TRHDE: variants seen among roughly 807,000 people sequenced by gnomAD.
TRHDE encodes the protein thyrotropin releasing hormone degrading enzyme.
A neutral mutation model predicts 125.7 loss-of-function variants in TRHDE; 72 were observed. The ratio of observed to expected loss-of-function variants is 0.57; its 90% CI spans 0.47 to 0.70. TRHDE has a LOEUF of 0.70. Ranked by LOEUF, TRHDE falls within the 30% of genes least tolerant of loss-of-function variation. The pLI, the probability that TRHDE is intolerant of heterozygous loss-of-function variation, is 0.00. For synonymous variants in TRHDE, 509 were observed against 509.1 expected (o/e 1.00, Z 0.00); for missense variants, 1,110 against 1,327.1 (o/e 0.84, Z 2.54).
intron 12 of TRHDE, among the ~76,000 whole-genome samples, chr12:72,586,151 GA>G (rs34786021): frequency 0.27 from 40,317 of 151,946 alleles, 8,131 homozygotes; most frequent in African/African-American, 0.54. Flanking sequence ...ATCATGATAA[GA>G]ATAAGATAAT....
intron 6 of TRHDE, among the ~76,000 whole-genome samples, chr12:72,512,434 AATAT>A (rs538381291): frequency 1.4e-3 from 149 of 106,850 alleles, no homozygotes; most frequent in African/African-American, 7.3e-3. Context: ...TATATTATAT[AATAT>A]GTTATAATTA....
chr12:72,594,502 G>T (rs1231613132), intron 12 of TRHDE, among the ~76,000 whole-genome samples: 7 of 136,008 alleles, frequency 5.1e-5, no homozygotes, highest in Admixed American at 1.5e-4. Context: ...ACAGATGTGA[G>T]TTTTTTTTTT....
intron 15 of TRHDE, among the ~76,000 whole-genome samples, chr12:72,636,218 G>T (rs745622077): frequency 2.0e-5 from 3 of 148,794 alleles, no homozygotes; most frequent in Non-Finnish European, 4.5e-5. Context: ...AGGTCCTTCA[G>T]ATCCCTTGTA....
chr12:72,239,682 C>T (rs1354136491), intron 2 of TRHDE, among the ~76,000 whole-genome samples: 2 of 152,090 alleles, frequency 1.3e-5, no homozygotes, highest in African/African-American at 4.8e-5. Flanking sequence ...TAGAGATCAT[C>T]GATGGAGCAG....
intron 2 of TRHDE, among the ~76,000 whole-genome samples, chr12:72,213,685 G>A (rs1176250673): frequency 6.6e-6 from 1 of 151,988 alleles, no homozygotes; most frequent in Non-Finnish European, 1.5e-5. Flanking sequence ...GATTTGTACT[G>A]GAATTTTGTA....
intron 2 of TRHDE, chr12:72,140,317 A>G (rs182381722): frequency 5.8e-4 from 88 of 152,346 alleles, no homozygotes; most frequent in African/African-American, 1.8e-3. Flanking sequence ...CTAGGTCTAT[A>G]GATAAACTCT....
intron 2 of TRHDE, among the ~76,000 whole-genome samples, chr12:72,314,934 C>T (rs1352857846): frequency 6.6e-6 from 1 of 152,162 alleles, no homozygotes; most frequent in Non-Finnish European, 1.5e-5. Context: ...GGCAAGTTTG[C>T]ACTCACTGAA....
chr12:72,170,254 T>C (rs1276278915), intron 2 of TRHDE, among the ~76,000 whole-genome samples: 1 of 152,166 alleles, frequency 6.6e-6, no homozygotes, highest in Non-Finnish European at 1.5e-5. Context: ...CAGGGTCCAA[T>C]TTCAGTGACA....
intron 2 of TRHDE, among the ~76,000 whole-genome samples, chr12:72,333,102 G>T (rs1415729049): frequency 6.6e-6 from 1 of 152,202 alleles, no homozygotes; most frequent in Non-Finnish European, 1.5e-5. Context: ...ATGGTTGTCA[G>T]GTCCTTGATT....
chr12:72,336,245 A>G (rs1021817966), intron 2 of TRHDE, among the ~76,000 whole-genome samples: 1 of 152,218 alleles, frequency 6.6e-6, no homozygotes, highest in Non-Finnish European at 1.5e-5. Context: ...CCTGTGCTGC[A>G]CACTGTTTTA....
chr12:72,096,119 C>T (rs1445050875), intron 1 of TRHDE, among the ~76,000 whole-genome samples: 1 of 116,668 alleles, frequency 8.6e-6, no homozygotes, highest in South Asian at 3.0e-4. Flanking sequence ...TAAGATAAAT[C>T]TTTTCTTATG....
chr12:72,542,036 T>A (rs1391933406), intron 6 of TRHDE, among the ~76,000 whole-genome samples: 2 of 151,478 alleles, frequency 1.3e-5, no homozygotes, highest in Non-Finnish European at 3.0e-5. Context: ...TTACAGCTTA[T>A]CATTGCCCTG....
intron 7 of TRHDE, among the ~76,000 whole-genome samples, chr12:72,555,875 A>C (rs567714194): frequency 6.6e-6 from 1 of 152,322 alleles, no homozygotes; most frequent in East Asian, 1.9e-4. Flanking sequence ...ACATACTTAC[A>C]AATGTATAAG....
chr12:72,493,703 ACT>A (rs552976064), intron 5 of TRHDE, among the ~76,000 whole-genome samples: 153 of 152,000 alleles, frequency 1.0e-3, no homozygotes, highest in African/African-American at 3.5e-3. Context: ...ACTATGTTAT[ACT>A]CTCTGCCTTT....
chr12:72,366,576 A>G (rs1384331617), intron 2 of TRHDE, among the ~76,000 whole-genome samples: 2 of 152,132 alleles, frequency 1.3e-5, no homozygotes, highest in Admixed American at 1.3e-4. Flanking sequence ...TAGACACAGT[A>G]AGGAGTGAAA....
chr12:72,571,637 G>A (rs1870735966), intron 10 of TRHDE, among the ~76,000 whole-genome samples: 1 of 152,130 alleles, frequency 6.6e-6, no homozygotes, highest in African/African-American at 2.4e-5. Context: ...ATTTGTAAAT[G>A]TAGTAGCTTG....
chr12:72,250,856 ATATATATT>A (rs1436469950), intron 2 of TRHDE, among the ~76,000 whole-genome samples: 42 of 144,988 alleles, frequency 2.9e-4, no homozygotes, highest in African/African-American at 1.0e-3. Flanking sequence ...ATATATATAT[ATATATATT>A]TTATTTTTAT....
intron 2 of TRHDE, among the ~76,000 whole-genome samples, chr12:72,250,580 A>T (rs1316905107): frequency 1.3e-5 from 2 of 152,176 alleles, no homozygotes; most frequent in East Asian, 1.9e-4. Flanking sequence ...AAGGCAACTT[A>T]AAAAATCTTT....
intron 12 of TRHDE, among the ~76,000 whole-genome samples, chr12:72,593,519 T>G (rs919371713): frequency 6.6e-6 from 1 of 151,768 alleles, no homozygotes; most frequent in Non-Finnish European, 1.5e-5. Context: ...ACTCTTTTAT[T>G]ATTATTATTA....
Sources: gnomAD v4.1 joint callset for allele counts (sites outside exome capture counted in the v4.1 genomes callset) on GRCh38, gnomAD v4.1.1 for gene constraint, MANE v1.5 for transcripts, NCBI Gene and HGNC (gene_info 2026-07-23, HGNC 2026-07-21) for gene names.